Variants in TBC1D19 observed in about 807,000 individuals in gnomAD.
TBC1D19 encodes TBC1 domain family member 19.
Under a neutral mutation model 89.0 loss-of-function variants are expected in TBC1D19, and 60 were observed. That is an observed-to-expected ratio of 0.67 (90% CI 0.55 to 0.84). TBC1D19 has a LOEUF of 0.84. Among genes scored for constraint, TBC1D19 ranks in the 40% least tolerant of loss-of-function variants. The pLI, the probability that TBC1D19 is intolerant of heterozygous loss-of-function variation, is 0.00. For synonymous variants in TBC1D19, 189 were observed against 199.7 expected (o/e 0.95, Z 0.45); for missense variants, 500 against 610.8 (o/e 0.82, Z 1.91).
At chr4:26,619,269 A>G (rs1263432653) in intron 3 of TBC1D19, among the ~76,000 whole-genome samples, 3 of 151,442 alleles carry the variant, frequency 2.0e-5, no homozygotes, top group Non-Finnish European at 2.9e-5. Context: ...CAGTTGTGCA[A>G]TCTCGGCTCA....
At chr4:26,741,443 T>C (rs1294047466) in intron 17 of TBC1D19, among the ~76,000 whole-genome samples, 1 of 152,018 alleles carries the variant, frequency 6.6e-6, no homozygotes, top group East Asian at 1.9e-4. Flanking sequence ...ATGCTCATAT[T>C]CTATGCCATT....
At chr4:26,580,344 A>G (rs1268585938), upstream of TBC1D19, among the ~76,000 whole-genome samples, 1 of 152,194 alleles carries the variant, frequency 6.6e-6, no homozygotes, top group African/African-American at 2.4e-5. Context: ...TAGCACCCAG[A>G]AAAGCACCCT....
intron 9 of TBC1D19, among the ~76,000 whole-genome samples, chr4:26,670,221 T>A (rs1459046115): frequency 6.7e-6 from 1 of 150,252 alleles, no homozygotes; most frequent in Non-Finnish European, 1.5e-5. Flanking sequence ...ATATATATTT[T>A]TATATATAAT....
At chr4:26,814,093 C>T in the TBC1D19 span, among the ~76,000 whole-genome samples, 25 of 152,094 alleles carry the variant, frequency 1.6e-4, no homozygotes, top group Admixed American at 1.6e-3. Flanking sequence ...GCCCACACCT[C>T]GTAAGCAGCC....
intron 18 of TBC1D19, among the ~76,000 whole-genome samples, chr4:26,744,220 A>C (rs1353777320): frequency 6.6e-6 from 1 of 151,744 alleles, no homozygotes; most frequent in East Asian, 1.9e-4. Flanking sequence ...GTTAGTAGTG[A>C]CATCATCTTT....
chr4:26,849,218 AC>A, the TBC1D19 span, among the ~76,000 whole-genome samples: 377 of 152,022 alleles, frequency 2.5e-3, no homozygotes, highest in Middle Eastern at 6.8e-3. Context: ...ACACACACAC[AC>A]ACACACACAC....
chr4:26,581,073 C>G (rs1739052793), upstream of TBC1D19, among the ~76,000 whole-genome samples: 1 of 152,144 alleles, frequency 6.6e-6, no homozygotes, highest in East Asian at 1.9e-4. Context: ...TTTTGTCTCT[C>G]TTTGTATAGT....
intron 7 of TBC1D19, among the ~76,000 whole-genome samples, chr4:26,649,006 C>A (rs1744145033): frequency 6.6e-6 from 1 of 151,554 alleles, no homozygotes; most frequent in African/African-American, 2.4e-5. Flanking sequence ...TTTTATTTTT[C>A]TGTTACTCAT....
chr4:26,625,485 A>G (rs1026104217), intron 4 of TBC1D19, among the ~76,000 whole-genome samples: 1 of 152,204 alleles, frequency 6.6e-6, no homozygotes, highest in Non-Finnish European at 1.5e-5. Flanking sequence ...TGTTATAATT[A>G]ATGAGCCATA....
chr4:26,656,299 T>C (rs1444904708), intron 7 of TBC1D19, among the ~76,000 whole-genome samples: 5 of 152,032 alleles, frequency 3.3e-5, no homozygotes, highest in Non-Finnish European at 5.9e-5. Flanking sequence ...ATTATGAACA[T>C]TTTTCATGTC....
At chr4:26,642,707 T>A (rs532994636) in intron 7 of TBC1D19, among the ~76,000 whole-genome samples, 27 of 152,020 alleles carry the variant, frequency 1.8e-4, no homozygotes, top group Non-Finnish European at 3.1e-4. Flanking sequence ...GAGACAAACA[T>A]AGGCTCAAAA....
chr4:26,743,645 A>G (rs191758972), intron 18 of TBC1D19, among the ~76,000 whole-genome samples: 3 of 152,174 alleles, frequency 2.0e-5, no homozygotes, highest in Non-Finnish European at 1.5e-5. Flanking sequence ...CAGACATCTT[A>G]GAGATGGCCT....
At chr4:26,646,680 G>C (rs143954544) in intron 7 of TBC1D19, among the ~76,000 whole-genome samples, 3 of 152,260 alleles carry the variant, frequency 2.0e-5, no homozygotes, top group Middle Eastern at 3.4e-3. Flanking sequence ...CCATCATTCT[G>C]AGCAAACTAT....
intron 3 of TBC1D19, among the ~76,000 whole-genome samples, chr4:26,619,904 A>T (rs974194466): frequency 4.6e-5 from 7 of 152,226 alleles, no homozygotes; most frequent in African/African-American, 1.7e-4. Flanking sequence ...TTGAGAATTC[A>T]GTCTATGGTT....
chr4:26,684,310 G>T (rs1033016796), intron 12 of TBC1D19, among the ~76,000 whole-genome samples: 1 of 152,166 alleles, frequency 6.6e-6, no homozygotes, highest in East Asian at 1.9e-4. Context: ...ACAATAGAAA[G>T]CCAAGCACCA....
At chr4:26,740,816 GCTGTT>G in intron 17 of TBC1D19, 3 of 985,330 alleles carry the variant, frequency 3.0e-6, no homozygotes, top group Non-Finnish European at 3.6e-6. Context: ...AAATTAAATA[GCTGTT>G]CTTTATCCCC....
At chr4:26,633,469 A>G (rs1215245382) in intron 4 of TBC1D19, among the ~76,000 whole-genome samples, 27 of 152,138 alleles carry the variant, frequency 1.8e-4, no homozygotes, top group Admixed American at 1.8e-3. Context: ...GAAAAAGCAT[A>G]AACTGAACCA....
chr4:26,640,127 C>T lies in TBC1D19; in HGVS notation c.434-14C>T, dbSNP rs1560436870. 1.3e-6 allele frequency: 2 copies of T among 1,583,098 alleles called. No individual in the cohort carries two copies. Among genetic ancestry groups the T allele is most frequent in the Admixed American group, 1.8e-5 (1 of 56,688 alleles). On this transcript the variant is annotated splice_polypyrimidine_tract_variant and intron_variant, in intron 6 of 20. Transcript: ENST00000264866. ...TATTAGCTGAAATTTTGTTTATAAT[C>T]TATCTTATTCTAGATTTAAGCCTTT...
chr4:26,576,828 A>G (rs900772688), intron 1 of TBC1D19: 9 of 456,140 alleles, frequency 2.0e-5, no homozygotes, highest in Non-Finnish European at 3.1e-5. Context: ...AGGTATGACC[A>G]GGTAAAGGGC....
Sources: allele counts gnomAD v4.1 joint callset (sites outside exome capture counted in the v4.1 genomes callset), GRCh38; gene constraint gnomAD v4.1.1; transcripts MANE v1.5; gene names NCBI Gene and HGNC (gene_info 2026-07-23, HGNC 2026-07-21).